The following NCOA7 variants were observed in gnomAD, a reference collection of about 807,000 sequenced individuals.
NCOA7 encodes the protein 140 kDa estrogen receptor-associated protein.
A neutral mutation model predicts 104.3 loss-of-function variants in NCOA7; 45 were observed. The ratio of observed to expected loss-of-function variants is 0.43; its 90% CI spans 0.34 to 0.55. The LOEUF is 0.55. NCOA7 is among the 20% of genes least tolerant of loss of function. The pLI, the probability that NCOA7 is intolerant of heterozygous loss-of-function variation, is 0.02. For missense variants in NCOA7, 1,041 were observed against 1,119.7 expected (o/e 0.93, Z 1.00); for synonymous variants, 398 against 402.3 (o/e 0.99, Z 0.13).
At position 125,888,940 on chromosome 6, in the gene NCOA7, G is replaced by A; in HGVS notation, c.886G>A (p.Asp296Asn). The A allele has an allele frequency of 1.3e-6, 2 of 1,589,526 alleles. No individual in the cohort carries two copies. Among genetic ancestry groups the A allele is most frequent in the Non-Finnish European group, 1.7e-6 (2 of 1,167,038 alleles). ...CACCCACCATTTCTCCCCCAACAGT[G>A]ACCTACCTCAGGATCTTTGTCCTCT... ...HMKIKDALPS[D>N]LPQDLCPLYR... The change falls in exon 9 of 16, where the codon GAC becomes AAC. Residue 296 changes from aspartate (D) to asparagine (N), a missense_variant and splice_region_variant. Asp to Asn is a conservative substitution (Grantham distance 23). Coordinates refer to ENST00000392477, the MANE Select transcript of NCOA7 (RefSeq NM_181782.5).
At chr6:125,826,906 G>A (rs983459960) in intron 2 of NCOA7, among the ~76,000 whole-genome samples, 3 of 152,058 alleles carry the variant, frequency 2.0e-5, no homozygotes, top group African/African-American at 7.2e-5. Context: ...GGCAAGAAAG[G>A]GTGAGAGTGG....
At chr6:125,840,082 T>G (rs1562877705) in intron 2 of NCOA7, among the ~76,000 whole-genome samples, 1 of 152,068 alleles carries the variant, frequency 6.6e-6, no homozygotes, top group African/African-American at 2.4e-5. Context: ...CCTGAGAACT[T>G]CCAGTGGGAC....
Position 125,897,151 on chromosome 6 carries a change from A to G in NCOA7, c.2096+6341A>G, listed in dbSNP as rs571661592. Among the ~76,000 whole-genome samples the G allele has an allele frequency of 5.9e-5, 9 of 152,346 alleles. No individual in the cohort carries two copies. In the East Asian group the frequency reaches 7.7e-4, roughly 13 times the overall value. ...TCTGTCAGTTTAAAAGGTATAATCT[A>G]TGTTGCGTGTATATACCTGATAGTC... On this transcript the variant is annotated intron_variant, in intron 10 of 15. Coordinates refer to ENST00000392477, the MANE Select transcript of NCOA7 (RefSeq NM_181782.5).
intron 2 of NCOA7, among the ~76,000 whole-genome samples, chr6:125,854,403 TAATC>T (rs1781378778): frequency 6.6e-6 from 1 of 152,300 alleles, no homozygotes; most frequent in Admixed American, 6.5e-5. Flanking sequence ...AATAATCAAA[TAATC>T]AGTCAGCTAT....
rs965560535 is a variant in NCOA7, at chr6:125,791,077, G to T, written c.-65+10G>T. ...CGCCCCCGCCCTGTAGGTAGGTGGT[G>T]AGGCGGGGCCCAGCCCTCGCCGCCG... On this transcript the variant is annotated intron_variant, in intron 1 of 15. Transcript: ENST00000392477. 6.5e-6 allele frequency: 1 copy of T among 153,622 alleles called. No homozygotes were observed. Among genetic ancestry groups the T allele is most frequent in the South Asian group, 2.1e-4 (1 of 4,854 alleles). The allele number at this position is 153,622 out of a possible 1,614,324, so 9.5% of individuals were successfully genotyped here.
rs1221267566 is a variant in NCOA7, at chr6:125,849,642, G to GATGAAAGCCTGACAAAGCAGAGATT, written c.51-5372_51-5348dup. ...AAAACGTAGTCCAGGCCACAGAGAT[G>GATGAAAGCCTGACAAAGCAGAGATT]ATGAAAGCCTGACAAAGCAGAGATT... On this transcript the variant is annotated intron_variant, in intron 2 of 15. Transcript: ENST00000392477. Among the ~76,000 whole-genome samples, 4 of 152,266 alleles carry GATGAAAGCCTGACAAAGCAGAGATT rather than the reference G, an allele frequency of 2.6e-5. No homozygotes were observed. In the East Asian group the frequency reaches 7.7e-4, roughly 29 times the overall value.
intron 1 of NCOA7, among the ~76,000 whole-genome samples, chr6:125,801,483 A>T (rs1171402316): frequency 2.0e-5 from 3 of 152,218 alleles, no homozygotes; most frequent in Non-Finnish European, 1.5e-5. Flanking sequence ...GTATAAAAGT[A>T]ATTTAAAATT....
At chr6:125,834,298 A>T (rs916852707) in intron 2 of NCOA7, among the ~76,000 whole-genome samples, 2 of 152,226 alleles carry the variant, frequency 1.3e-5, no homozygotes, top group Non-Finnish European at 2.9e-5. Flanking sequence ...TGAACATAGT[A>T]TAATTAATCC....
intron 1 of NCOA7, among the ~76,000 whole-genome samples, chr6:125,808,954 G>T (rs576683197): frequency 6.6e-6 from 1 of 152,292 alleles, no homozygotes; most frequent in East Asian, 1.9e-4. Flanking sequence ...CCTAGGCAGA[G>T]AATAATGGAA....
intron 2 of NCOA7, among the ~76,000 whole-genome samples, chr6:125,831,932 T>C (rs1779221675): frequency 6.6e-6 from 1 of 152,202 alleles, no homozygotes; most frequent in Non-Finnish European, 1.5e-5. Flanking sequence ...CATTAGAAAC[T>C]TGAGTTTATT....
intron 1 of NCOA7, among the ~76,000 whole-genome samples, chr6:125,797,311 A>G (rs1775431453): frequency 6.6e-6 from 1 of 152,162 alleles, no homozygotes; most frequent in Admixed American, 6.5e-5. Flanking sequence ...CCAAGTAATC[A>G]GAGGCCTTAA....
At position 125,889,013 on chromosome 6, in the gene NCOA7, A is replaced by G. The variant is rs1178824280; in HGVS notation, c.959A>G (p.Asn320Ser). 1.9e-6 allele frequency: 3 copies of G among 1,613,968 alleles called. No individual in the cohort carries two copies. The highest frequency in any genetic ancestry group is 2.2e-5 in the East Asian group (1 of 44,870). ...WEDLASEKDINPFSKFKSINK... is the reference protein window; with the variant it reads ...WEDLASEKDISPFSKFKSINK... ...GACCTGGCTTCAGAAAAGGATATCAACCCATTCAGTAAGTTCAAATCTATC... is the reference window on the plus strand; with the variant it reads ...GACCTGGCTTCAGAAAAGGATATCAGCCCATTCAGTAAGTTCAAATCTATC... Residue 320 changes from asparagine to serine, a missense_variant, in exon 9 of 16, where the codon AAC becomes AGC. By Grantham distance (46) the Asn-to-Ser change is conservative. Coordinates refer to ENST00000392477, the MANE Select transcript of NCOA7 (RefSeq NM_181782.5).
chr6:125,850,485 A>G (rs922440124), intron 2 of NCOA7, among the ~76,000 whole-genome samples: 12 of 152,294 alleles, frequency 7.9e-5, no homozygotes, highest in Non-Finnish European at 1.8e-4. Flanking sequence ...AAAGAATAAA[A>G]CAATGTATCC....
intron 10 of NCOA7, among the ~76,000 whole-genome samples, chr6:125,899,517 T>G (rs1785311797): frequency 6.6e-6 from 1 of 152,198 alleles, no homozygotes; most frequent in Non-Finnish European, 1.5e-5. Flanking sequence ...CTTACCAATG[T>G]GTTATACTGT....
At chr6:125,911,632 A>G (rs527893613) in intron 10 of NCOA7, among the ~76,000 whole-genome samples, 12 of 152,316 alleles carry the variant, frequency 7.9e-5, no homozygotes, top group Non-Finnish European at 1.3e-4. Flanking sequence ...TAACTTCTTC[A>G]TGCTGAATAG....
chr6:125,837,659 C>A (rs959391399), intron 2 of NCOA7, among the ~76,000 whole-genome samples: 3 of 152,098 alleles, frequency 2.0e-5, no homozygotes, highest in African/African-American at 7.2e-5. Context: ...TTCCACTTCT[C>A]CCCCTAATTC....
chr6:125,809,524 G>A (rs1029292682), intron 1 of NCOA7, among the ~76,000 whole-genome samples: 5 of 152,128 alleles, frequency 3.3e-5, no homozygotes, highest in South Asian at 2.1e-4. Context: ...CTGGTTCTGC[G>A]TCCTTCCCAG....
At chr6:125,837,136 A>G (rs778659302) in intron 2 of NCOA7, among the ~76,000 whole-genome samples, 3 of 152,190 alleles carry the variant, frequency 2.0e-5, no homozygotes, top group Non-Finnish European at 4.4e-5. Flanking sequence ...ATTAGCCTAA[A>G]AGTCTATGTA....
intron 8 of NCOA7, among the ~76,000 whole-genome samples, chr6:125,888,609 A>T (rs1784415349): frequency 6.6e-6 from 1 of 152,232 alleles, no homozygotes; most frequent in Non-Finnish European, 1.5e-5. Flanking sequence ...TGAAAGTCAG[A>T]AACATTATTA....
Sources: allele counts gnomAD v4.1 joint callset (sites outside exome capture counted in the v4.1 genomes callset), GRCh38; gene constraint gnomAD v4.1.1; transcripts MANE v1.5; gene names NCBI Gene and HGNC (gene_info 2026-07-23, HGNC 2026-07-21).